Variants in TRDN observed in about 807,000 individuals in gnomAD.
The protein encoded by TRDN is triadin.
A neutral mutation model predicts 149.7 loss-of-function variants in TRDN; 161 were observed. The ratio of observed to expected loss-of-function variants is 1.08; its 90% CI spans 0.95 to 1.23. The LOEUF is 1.23. Ranked by LOEUF, TRDN falls within the 50% of genes most tolerant of loss-of-function variation. The pLI, the probability that TRDN is intolerant of heterozygous loss-of-function variation, is 0.00. For synonymous variants in TRDN, 294 were observed against 250.5 expected, an observed-to-expected ratio of 1.17 and a Z score of -1.64; for missense variants, 896 against 823.5, an observed-to-expected ratio of 1.09 and a Z score of -1.08.
Position 123,438,074 on chromosome 6 carries a change from A to T in TRDN, c.1040T>A (p.Val347Glu). ...KKSEKETAID[V>E]EKKEPGKASE... is the part of the protein sequence containing the mutation. ...AGAAAGTGCAATACCTTTTTTTTCC[A>T]CATCAATGGCAGTTTCCTTCTCACT... The change falls in exon 12 of 41, where the codon GTG becomes GAG. Residue 347 changes from valine (V) to glutamate (E), a missense_variant. Coordinates refer to ENST00000334268, the MANE Select transcript of TRDN (RefSeq NM_006073.4). 2 of 1,595,408 alleles carry T rather than the reference A, an allele frequency of 1.3e-6. No individual in the cohort carries two copies. Among genetic ancestry groups the T allele is most frequent in the Non-Finnish European group, 1.7e-6 (2 of 1,173,182 alleles).
chr6:123,636,059 T>C (rs185277536), intron 1 of TRDN, among the ~76,000 whole-genome samples: 18 of 152,072 alleles, frequency 1.2e-4, no homozygotes, highest in Middle Eastern at 3.4e-3. Context: ...AAATGAAGAA[T>C]GAATTTACAA....
chr6:123,589,789 T>C (rs539807990), intron 1 of TRDN, among the ~76,000 whole-genome samples: 1 of 152,318 alleles, frequency 6.6e-6, no homozygotes, highest in South Asian at 2.1e-4. Context: ...CATATAAAGC[T>C]TCTGCTTAAG....
intron 12 of TRDN, among the ~76,000 whole-genome samples, chr6:123,431,317 G>C (rs1163460285): frequency 6.6e-6 from 1 of 152,032 alleles, no homozygotes; most frequent in African/African-American, 2.4e-5. Flanking sequence ...TTACTTATCT[G>C]AATGAATTTT....
At chr6:123,296,999 A>G (rs562731335) in intron 24 of TRDN, among the ~76,000 whole-genome samples, 1 of 152,194 alleles carries the variant, frequency 6.6e-6, no homozygotes, top group Admixed American at 6.6e-5. Context: ...GGTGTTTTTT[A>G]TTTTTAAAAG....
chr6:123,393,800 T>C, intron 12 of TRDN, 123 bp from the exon 13 acceptor site: 1 of 908,604 alleles, frequency 1.1e-6, no homozygotes. Context: ...ACACGAAGAA[T>C]TTTTGTTAAG....
chr6:123,266,349 AAT>A (rs1228101891), intron 32 of TRDN, among the ~76,000 whole-genome samples: 13 of 107,016 alleles, frequency 1.2e-4, no homozygotes, highest in South Asian at 4.8e-4. Context: ...TATTATATAT[AAT>A]ATATATATTA....
intron 38 of TRDN, among the ~76,000 whole-genome samples, chr6:123,245,945 G>A (rs568405934): frequency 3.9e-5 from 6 of 152,124 alleles, no homozygotes; most frequent in South Asian, 2.1e-4. Flanking sequence ...CCTCAAAACC[G>A]CAAAACTACA....
intron 12 of TRDN, among the ~76,000 whole-genome samples, chr6:123,398,430 CT>C: frequency 6.6e-6 from 1 of 152,224 alleles, no homozygotes; most frequent in African/African-American, 2.4e-5. Flanking sequence ...ATTATAAAAC[CT>C]TGACCCCTCA....
intron 8 of TRDN, among the ~76,000 whole-genome samples, chr6:123,500,811 TG>T (rs1428773644): frequency 6.6e-6 from 1 of 152,156 alleles, no homozygotes; most frequent in African/African-American, 2.4e-5. Context: ...GGGGCACATG[TG>T]GTCCAGTACT....
rs1008778141 is a variant in TRDN, at chr6:123,538,240, ATTAT to A, written c.425-7679_425-7676del. Among the ~76,000 whole-genome samples the A allele has an allele frequency of 1.7e-4, 26 of 152,300 alleles. 1 individual carries two copies. The East Asian group carries it at 3.9e-3, about 23-fold the overall frequency. ...TCCCATTTTAATATTAAAAAAACAA[ATTAT>A]TTATTCACTTAAACATAGAATCTTT... On this transcript the variant is annotated intron_variant, in intron 4 of 40. Transcript: ENST00000334268.
chr6:123,459,322 T>C (rs572850386), intron 10 of TRDN, among the ~76,000 whole-genome samples: 9 of 152,176 alleles, frequency 5.9e-5, no homozygotes, highest in Non-Finnish European at 1.0e-4. Context: ...CCAGAGATAA[T>C]ACAGTAAGAC....
At chr6:123,521,940 G>T (rs1479545510) in intron 5 of TRDN, among the ~76,000 whole-genome samples, 1 of 152,116 alleles carries the variant, frequency 6.6e-6, no homozygotes, top group East Asian at 1.9e-4. Context: ...TATTCATCAT[G>T]GAATTTGTAG....
intron 15 of TRDN, among the ~76,000 whole-genome samples, chr6:123,381,893 G>A (rs1002637506): frequency 6.6e-6 from 1 of 150,676 alleles, no homozygotes; most frequent in Non-Finnish European, 1.5e-5. Flanking sequence ...GAAAGGATAT[G>A]CAGTATTTAT....
chr6:123,252,415 A>T lies in TRDN; in HGVS notation c.1972T>A (p.Ser658Thr). The part of the protein sequence containing the change: ...VTKAEKPARV[S>T]KDVEDVPASK... ...CATTAATACAAACCGTACTTACTTG[A>T]TACTCTTGCAGGTTTTTCTGCTAAA... is the stretch of plus-strand genomic sequence containing the variant. The change falls in exon 38 of 41, where the codon TCA becomes ACA. Residue 658 changes from serine (S) to threonine (T), a missense_variant. Transcript: ENST00000334268. 1 of 1,519,800 alleles carries T rather than the reference A, an allele frequency of 6.6e-7. No homozygotes were observed. The highest frequency in any genetic ancestry group is 2.3e-5 in the East Asian group (1 of 43,362). The allele number at this position is 1,519,800 out of a possible 1,614,324, so 94.1% of individuals were successfully genotyped here.
At chr6:123,531,201 G>A (rs1246701511) in intron 4 of TRDN, among the ~76,000 whole-genome samples, 2 of 151,924 alleles carry the variant, frequency 1.3e-5, no homozygotes, top group Non-Finnish European at 2.9e-5. Flanking sequence ...TAAGAAAATG[G>A]AGTTAATTCT....
intron 22 of TRDN, among the ~76,000 whole-genome samples, chr6:123,333,717 A>C (rs17736520): frequency 0.24 from 36,631 of 152,010 alleles, 4,899 homozygotes; most frequent in Non-Finnish European, 0.29. Context: ...GAAACTCTGC[A>C]CTTCTGCATT....
At chr6:123,352,140 G>T in intron 21 of TRDN, 2 of 983,818 alleles carry the variant, frequency 2.0e-6, no homozygotes, top group Non-Finnish European at 2.4e-6. Flanking sequence ...TCAAGCAACA[G>T]AAATAGTTTT....
At chr6:123,335,240 G>A (rs193160100) in intron 22 of TRDN, among the ~76,000 whole-genome samples, 26 of 151,880 alleles carry the variant, frequency 1.7e-4, no homozygotes, top group African/African-American at 6.0e-4. Context: ...CATTAATGCA[G>A]TTTGAATTAA....
At chr6:123,427,286 T>C (rs891049845) in intron 12 of TRDN, among the ~76,000 whole-genome samples, 6 of 151,806 alleles carry the variant, frequency 4.0e-5, no homozygotes, top group Non-Finnish European at 1.5e-5. Context: ...TTTTGTTTTT[T>C]TTTTTTAATA....
Sources: gnomAD v4.1 joint callset for allele counts (sites outside exome capture counted in the v4.1 genomes callset) on GRCh38, gnomAD v4.1.1 for gene constraint, MANE v1.5 for transcripts, NCBI Gene and HGNC (gene_info 2026-07-23, HGNC 2026-07-21) for gene names.